Variants in PDGFD observed in about 807,000 individuals in gnomAD.
PDGFD encodes platelet-derived growth factor D.
A neutral mutation model predicts 44.7 loss-of-function variants in PDGFD; 30 were observed. The ratio of observed to expected loss-of-function variants is 0.67; its 90% confidence interval spans 0.50 to 0.91. The LOEUF (loss-of-function observed/expected upper bound fraction) is 0.91. Ranked by LOEUF, PDGFD falls within the 40% of genes least tolerant of loss-of-function variation. The pLI is 0.00. For synonymous variants in PDGFD, 173 were observed against 168.4 expected, an observed-to-expected ratio of 1.03 and a Z score of -0.21; for missense variants, 445 against 457.8, an observed-to-expected ratio of 0.97 and a Z score of 0.25.
At chr11:104,115,382 G>C (rs1411396017) in intron 1 of PDGFD, among the ~76,000 whole-genome samples, 2 of 150,134 alleles carry the variant, frequency 1.3e-5, no homozygotes, top group Non-Finnish European at 1.5e-5. Context: ...TCTATAAAAA[G>C]GAATGAATTA....
chr11:104,035,257 C>T (rs939611274), intron 1 of PDGFD, among the ~76,000 whole-genome samples: 2 of 152,130 alleles, frequency 1.3e-5, no homozygotes, highest in Non-Finnish European at 2.9e-5. Context: ...TTTAGAGACC[C>T]TCTGTGTTAT....
intron 1 of PDGFD, among the ~76,000 whole-genome samples, chr11:104,033,568 T>C (rs767943962): frequency 1.3e-5 from 2 of 152,174 alleles, no homozygotes; most frequent in Non-Finnish European, 2.9e-5. Context: ...AAAAAGATGT[T>C]AGTTTCTTTT....
intron 3 of PDGFD, among the ~76,000 whole-genome samples, chr11:103,983,917 AG>A (rs1859312223): frequency 6.6e-6 from 1 of 151,764 alleles, no homozygotes; most frequent in Non-Finnish European, 1.5e-5. Context: ...GATGCTGGCA[AG>A]GTCGTGGAGA....
At chr11:104,112,106 T>C (rs899414079) in intron 1 of PDGFD, among the ~76,000 whole-genome samples, 2 of 152,192 alleles carry the variant, frequency 1.3e-5, no homozygotes, top group African/African-American at 4.8e-5. Flanking sequence ...ACTTATTATA[T>C]TTCCTAATTC....
At chr11:104,010,892 C>T (rs1026517566) in intron 1 of PDGFD, among the ~76,000 whole-genome samples, 1 of 152,012 alleles carries the variant, frequency 6.6e-6, no homozygotes, top group African/African-American at 2.4e-5. Flanking sequence ...TTCCATAATA[C>T]TAACTTAACA....
intron 1 of PDGFD, among the ~76,000 whole-genome samples, chr11:104,100,027 T>C (rs927825407): frequency 8.5e-5 from 13 of 152,134 alleles, no homozygotes; most frequent in African/African-American, 3.1e-4. Flanking sequence ...TCACAACTAA[T>C]GAAGAGCAAT....
chr11:103,989,068 G>T (rs1859412417), intron 3 of PDGFD, among the ~76,000 whole-genome samples: 1 of 151,714 alleles, frequency 6.6e-6, no homozygotes, highest in African/African-American at 2.4e-5. Flanking sequence ...ATCATCATCA[G>T]GACTGTCCCA....
intron 1 of PDGFD, among the ~76,000 whole-genome samples, chr11:104,163,554 T>C (rs1412284303): frequency 6.6e-6 from 1 of 151,880 alleles, no homozygotes. Flanking sequence ...ATGACTTCTC[T>C]AGGGTGCAGC....
intron 1 of PDGFD, among the ~76,000 whole-genome samples, chr11:104,152,550 C>G (rs920733759): frequency 7.9e-5 from 12 of 151,848 alleles, no homozygotes; most frequent in African/African-American, 2.7e-4. Flanking sequence ...TTTTTTGAAC[C>G]CTTTTATTAA....
chr11:104,150,106 G>A (rs957276103), intron 1 of PDGFD, among the ~76,000 whole-genome samples: 4 of 151,900 alleles, frequency 2.6e-5, no homozygotes, highest in Admixed American at 6.6e-5. Context: ...GATATGCAGC[G>A]GACTTGCAAC....
chr11:103,921,131 CT>C (rs1281119829), intron 6 of PDGFD, among the ~76,000 whole-genome samples: 14 of 152,112 alleles, frequency 9.2e-5, no homozygotes, highest in African/African-American at 3.4e-4. Context: ...CTCTATTGCC[CT>C]CTCTTGGTAG....
At chr11:103,943,351 A>C in intron 5 of PDGFD, 101 bp downstream of exon 5, 1 of 1,202,872 alleles carries the variant, frequency 8.3e-7, no homozygotes, top group Non-Finnish European at 1.2e-6. Flanking sequence ...TCCAAAATCC[A>C]AAAGACTTCT....
intron 1 of PDGFD, among the ~76,000 whole-genome samples, chr11:104,033,653 TA>T (rs1021633242): frequency 6.6e-6 from 1 of 151,970 alleles, no homozygotes; most frequent in South Asian, 2.1e-4. Context: ...CATTTGCTAT[TA>T]AAAAAAACAA....
chr11:104,017,430 T>C (rs1859876105), intron 1 of PDGFD, among the ~76,000 whole-genome samples: 1 of 152,148 alleles, frequency 6.6e-6, no homozygotes, highest in Non-Finnish European at 1.5e-5. Context: ...CCTCTATCCA[T>C]TGCAGAATGA....
chr11:104,064,564 G>A (rs1476004092), intron 1 of PDGFD, among the ~76,000 whole-genome samples: 1 of 152,058 alleles, frequency 6.6e-6, no homozygotes, highest in East Asian at 1.9e-4. Context: ...AAAGCATTTT[G>A]GATTGTGATG....
At position 103,943,658 on chromosome 11, in the gene PDGFD, T is replaced by C. The variant is rs749598184; in HGVS notation, c.574-8A>G. 1 of 1,608,468 alleles carries C rather than the reference T, an allele frequency of 6.2e-7. No homozygotes were observed. The highest frequency in any genetic ancestry group is 8.5e-7 in the Non-Finnish European group (1 of 1,176,418). ...AGAGTTATAGGATACCCCCTAAGAG[T>C]GACATACAGCTCAGTGTACTCAGAA... On this transcript the variant is annotated splice_polypyrimidine_tract_variant and splice_region_variant and intron_variant, in intron 4 of 6. Coordinates refer to ENST00000393158, the MANE Select transcript of PDGFD (RefSeq NM_025208.5).
intron 1 of PDGFD, among the ~76,000 whole-genome samples, chr11:104,076,612 A>C (rs540298507): frequency 1.3e-5 from 2 of 152,328 alleles, no homozygotes; most frequent in East Asian, 3.9e-4. Context: ...TTTGAAAAAA[A>C]AATCAATCCA....
At chr11:104,126,175 A>G (rs939043092) in intron 1 of PDGFD, among the ~76,000 whole-genome samples, 7 of 152,134 alleles carry the variant, frequency 4.6e-5, no homozygotes, top group African/African-American at 1.7e-4. Context: ...TCTACACGCA[A>G]TGAATTTGGA....
intron 6 of PDGFD, among the ~76,000 whole-genome samples, chr11:103,915,510 T>C (rs1858108290): frequency 1.3e-5 from 2 of 152,132 alleles, no homozygotes; most frequent in South Asian, 2.1e-4. Flanking sequence ...AAAATGGCCA[T>C]ACTGCCCAAA....
Sources: gnomAD v4.1 joint callset for allele counts (sites outside exome capture counted in the v4.1 genomes callset) on GRCh38, gnomAD v4.1.1 for gene constraint, MANE v1.5 for transcripts, NCBI Gene and HGNC (gene_info 2026-07-23, HGNC 2026-07-21) for gene names.